Variants in KLHL1 observed in about 807,000 individuals in gnomAD.
KLHL1 encodes kelch-like protein 1.
In KLHL1, 47 loss-of-function variants were observed where a neutral mutation model predicts 77.7. The ratio of observed to expected loss-of-function variants is 0.60; its 90% CI spans 0.48 to 0.77. KLHL1 has a LOEUF of 0.77. Ranked by LOEUF, KLHL1 falls within the 30% of genes least tolerant of loss-of-function variation. The pLI, the probability that KLHL1 is intolerant of heterozygous loss-of-function variation, is 0.00. For missense variants in KLHL1, 925 were observed against 910.8 expected (o/e 1.02, Z -0.20); for synonymous variants, 360 against 325.2 (o/e 1.11, Z -1.15).
intron 10 of KLHL1, among the ~76,000 whole-genome samples, chr13:69,705,110 G>T (rs749151955): frequency 6.6e-6 from 1 of 151,618 alleles, no homozygotes; most frequent in Non-Finnish European, 1.5e-5. Context: ...AATGCAGCAT[G>T]ATAGTACTAT....
At chr13:69,859,259 T>G (rs1359191855) in intron 5 of KLHL1, among the ~76,000 whole-genome samples, 1 of 53,474 alleles carries the variant, frequency 1.9e-5, no homozygotes, top group African/African-American at 1.7e-4. Context: ...CATTTTGCAC[T>G]TTTTTTTTTT....
chr13:70,050,122 CAA>C (rs762524432), intron 1 of KLHL1, among the ~76,000 whole-genome samples: 42 of 150,442 alleles, frequency 2.8e-4, no homozygotes, highest in Non-Finnish European at 5.6e-4. Context: ...CTATAAAAAA[CAA>C]ACAGCCTCTA....
chr13:69,987,169 A>C (rs966821224), intron 1 of KLHL1, among the ~76,000 whole-genome samples: 2 of 152,036 alleles, frequency 1.3e-5, no homozygotes, highest in African/African-American at 2.4e-5. Context: ...CACCATTCGC[A>C]ATGTATCTCT....
intron 5 of KLHL1, among the ~76,000 whole-genome samples, chr13:69,878,938 C>G (rs889257869): frequency 1.3e-5 from 2 of 152,104 alleles, no homozygotes; most frequent in Non-Finnish European, 2.9e-5. Context: ...ATGATGAGTT[C>G]ATGTCCTTTG....
chr13:69,864,238 T>C (rs1880283021), intron 5 of KLHL1, among the ~76,000 whole-genome samples: 1 of 151,978 alleles, frequency 6.6e-6, no homozygotes, highest in African/African-American at 2.4e-5. Context: ...TCTATTCTTC[T>C]ATGAAGAATA....
intron 5 of KLHL1, among the ~76,000 whole-genome samples, chr13:69,870,190 G>C (rs1049098244): frequency 3.3e-5 from 5 of 152,132 alleles, no homozygotes; most frequent in Non-Finnish European, 7.3e-5. Context: ...CTTTAGGTAA[G>C]TCTCAAGATG....
intron 3 of KLHL1, among the ~76,000 whole-genome samples, chr13:69,950,875 C>T (rs925017196): frequency 1.3e-5 from 2 of 151,458 alleles, no homozygotes; most frequent in Non-Finnish European, 3.0e-5. Context: ...TTGAATCAGC[C>T]CACAGAAGCA....
intron 1 of KLHL1, among the ~76,000 whole-genome samples, chr13:69,999,644 A>G (rs1185620477): frequency 6.6e-6 from 1 of 152,032 alleles, no homozygotes; most frequent in African/African-American, 2.4e-5. Flanking sequence ...TCTGGAAACC[A>G]GGAGACTGAC....
Position 69,885,436 on chromosome 13 carries a change from T to C in KLHL1, c.1015-2941A>G, listed in dbSNP as rs376200715. Among the ~76,000 whole-genome samples the C allele has an allele frequency of 1.8e-3, 261 of 142,552 alleles. 1 individual carries two copies. The highest frequency in any genetic ancestry group is 6.2e-3 in the African/African-American group (243 of 39,300). The allele number at this position is 142,552 out of a possible 152,430, so 93.5% of individuals were successfully genotyped here. On this transcript the variant is annotated intron_variant, in intron 4 of 10. Transcript: ENST00000377844. ...TTATGTAGGTGTTATTTTTTTTTTTTCTTTACACTTCATTGAATTTCTCAA... is the reference window on the plus strand; with the variant it reads ...TTATGTAGGTGTTATTTTTTTTTTTCCTTTACACTTCATTGAATTTCTCAA...
intron 7 of KLHL1, among the ~76,000 whole-genome samples, chr13:69,742,005 A>C (rs541481061): frequency 6.6e-6 from 1 of 152,084 alleles, no homozygotes; most frequent in Non-Finnish European, 1.5e-5. Context: ...CACCTACCCA[A>C]TCTAGTTCCC....
chr13:69,916,223 A>C (rs1283347168), intron 4 of KLHL1, among the ~76,000 whole-genome samples: 1 of 152,178 alleles, frequency 6.6e-6, no homozygotes, highest in Non-Finnish European at 1.5e-5. Flanking sequence ...CATTTGACCC[A>C]GCCATCCCAT....
At chr13:69,877,271 C>T (rs1339990849) in intron 5 of KLHL1, among the ~76,000 whole-genome samples, 2 of 152,012 alleles carry the variant, frequency 1.3e-5, no homozygotes, top group African/African-American at 4.8e-5. Context: ...TTTTAAAATT[C>T]ATACATAGTA....
intron 7 of KLHL1, among the ~76,000 whole-genome samples, chr13:69,786,363 A>G (rs1408563930): frequency 6.6e-6 from 1 of 152,232 alleles, no homozygotes; most frequent in Non-Finnish European, 1.5e-5. Flanking sequence ...TACGTGAATC[A>G]ATAAATGTAA....
At chr13:69,909,477 A>T (rs941164937) in intron 4 of KLHL1, among the ~76,000 whole-genome samples, 1 of 152,082 alleles carries the variant, frequency 6.6e-6, no homozygotes, top group Non-Finnish European at 1.5e-5. Flanking sequence ...AAATTAAATC[A>T]TTATTGAGCA....
intron 4 of KLHL1, among the ~76,000 whole-genome samples, chr13:69,892,310 TGAG>T (rs1357498058): frequency 6.6e-6 from 1 of 152,182 alleles, no homozygotes; most frequent in African/African-American, 2.4e-5. Context: ...ACCTATGTGT[TGAG>T]GTCTGTTTCT....
At chr13:70,010,626 T>C (rs982449799) in intron 1 of KLHL1, among the ~76,000 whole-genome samples, 7 of 152,034 alleles carry the variant, frequency 4.6e-5, no homozygotes, top group Admixed American at 2.6e-4. Context: ...GTGTGGTGGC[T>C]CATGCCTATA....
chr13:69,789,075 C>T (rs1566255901), intron 7 of KLHL1, among the ~76,000 whole-genome samples: 1 of 151,694 alleles, frequency 6.6e-6, no homozygotes, highest in Non-Finnish European at 1.5e-5. Context: ...ACTTATTTAC[C>T]TACATATCCA....
At chr13:69,773,161 A>G (rs1433538710) in intron 7 of KLHL1, among the ~76,000 whole-genome samples, 4 of 152,042 alleles carry the variant, frequency 2.6e-5, no homozygotes. Flanking sequence ...GATATATATT[A>G]AATTATTTAT....
At chr13:69,971,173 G>T (rs192081757) in intron 2 of KLHL1, among the ~76,000 whole-genome samples, 2 of 151,840 alleles carry the variant, frequency 1.3e-5, no homozygotes, top group African/African-American at 4.8e-5. Context: ...CCATGCCTCC[G>T]TTTTCTATAT....
Sources: gnomAD v4.1 joint callset for allele counts (sites outside exome capture counted in the v4.1 genomes callset) on GRCh38, gnomAD v4.1.1 for gene constraint, MANE v1.5 for transcripts, NCBI Gene and HGNC (gene_info 2026-07-23, HGNC 2026-07-21) for gene names.